NFIB: variants seen among roughly 807,000 people sequenced by gnomAD.
NFIB encodes the protein nuclear factor 1 B-type.
Under a neutral mutation model 61.5 loss-of-function variants are expected in NFIB, and 11 were observed. The ratio of observed to expected loss-of-function variants is 0.18; its 90% CI spans 0.11 to 0.30. The LOEUF is 0.30. Ranked by LOEUF, NFIB falls within the 10% of genes least tolerant of loss-of-function variation. NFIB has a pLI of 1.00. For missense variants in NFIB, 471 were observed against 608.9 expected (o/e 0.77, Z 2.38); for synonymous variants, 260 against 216.5 (o/e 1.20, Z -1.76).
intron 1 of NFIB, among the ~76,000 whole-genome samples, chr9:14,363,568 C>T (rs13294064): frequency 0.18 from 27,091 of 151,576 alleles, 2,812 homozygotes; most frequent in Middle Eastern, 0.25. Flanking sequence ...TTTCTGATTA[C>T]GAAAGCAATG....
At chr9:14,187,070 T>C (rs1439283633) in intron 2 of NFIB, among the ~76,000 whole-genome samples, 5 of 145,594 alleles carry the variant, frequency 3.4e-5, no homozygotes, top group Admixed American at 1.4e-4. Context: ...TGTGTGTGTG[T>C]GTGCCTGTGT....
chr9:14,439,063 G>A, the NFIB span, among the ~76,000 whole-genome samples: 1 of 152,162 alleles, frequency 6.6e-6, no homozygotes. Context: ...AATCCCTGTG[G>A]AGCTACTTTT....
intron 1 of NFIB, among the ~76,000 whole-genome samples, chr9:14,354,884 G>A (rs1481037041): frequency 2.0e-5 from 3 of 151,978 alleles, no homozygotes; most frequent in Non-Finnish European, 2.9e-5. Flanking sequence ...TGAAGGGAGT[G>A]TGTAGCCCTT....
chr9:14,250,720 A>C (rs1338321889), intron 2 of NFIB, among the ~76,000 whole-genome samples: 1 of 152,246 alleles, frequency 6.6e-6, no homozygotes, highest in Non-Finnish European at 1.5e-5. Flanking sequence ...ATTTTAAGTC[A>C]ACCTGTATAT....
intron 2 of NFIB, among the ~76,000 whole-genome samples, chr9:14,301,282 C>T (rs1384067913): frequency 6.6e-6 from 1 of 152,140 alleles, no homozygotes; most frequent in Non-Finnish European, 1.5e-5. Context: ...CCAATTACCA[C>T]GATTCTCGAA....
chr9:14,398,883 T>C, exon 1 of NFIB: 1 of 380,826 alleles, frequency 2.6e-6, no homozygotes, highest in Non-Finnish European at 4.7e-6. Flanking sequence ...ACAGTCTTGC[T>C]CCGACATGTG....
the NFIB span, among the ~76,000 whole-genome samples, chr9:14,530,962 C>A: frequency 7.9e-5 from 12 of 151,954 alleles, no homozygotes; most frequent in African/African-American, 2.9e-4. Context: ...GATGAATGAA[C>A]CCAATGACGA....
intron 2 of NFIB, among the ~76,000 whole-genome samples, chr9:14,192,785 C>T (rs1041357455): frequency 4.6e-5 from 7 of 152,110 alleles, no homozygotes; most frequent in Non-Finnish European, 7.3e-5. Flanking sequence ...CCTCACTGCC[C>T]ATTCAGCTTT....
chr9:14,424,089 C>G, the NFIB span, among the ~76,000 whole-genome samples: 4 of 152,124 alleles, frequency 2.6e-5, no homozygotes, highest in South Asian at 4.1e-4. Context: ...GTCTCTCCAA[C>G]TGTCTAACCC....
chr9:14,529,907 A>T, the NFIB span, among the ~76,000 whole-genome samples: 1 of 152,230 alleles, frequency 6.6e-6, no homozygotes, highest in Non-Finnish European at 1.5e-5. Flanking sequence ...ACGAACAATC[A>T]GCTTATGCAA....
chr9:14,507,687 G>T, the NFIB span, among the ~76,000 whole-genome samples: 4 of 152,162 alleles, frequency 2.6e-5, no homozygotes, highest in African/African-American at 9.7e-5. Flanking sequence ...AAATAGCAGC[G>T]CAAGGAACTG....
the NFIB span, among the ~76,000 whole-genome samples, chr9:14,474,342 T>C: frequency 6.6e-6 from 1 of 152,152 alleles, no homozygotes; most frequent in African/African-American, 2.4e-5. Context: ...GGGTCCCTTT[T>C]ATAAGGGCAT....
At chr9:14,267,896 G>A (rs1313282908) in intron 2 of NFIB, among the ~76,000 whole-genome samples, 1 of 152,146 alleles carries the variant, frequency 6.6e-6, no homozygotes, top group African/African-American at 2.4e-5. Flanking sequence ...ACTTTGGGAG[G>A]CCAAGGTGGG....
At chr9:14,153,274 T>G (rs1214135808) in intron 4 of NFIB, among the ~76,000 whole-genome samples, 1 of 152,036 alleles carries the variant, frequency 6.6e-6, no homozygotes, top group African/African-American at 2.4e-5. Flanking sequence ...GAAAGGAAAG[T>G]AGATTAACAA....
At chr9:14,385,748 A>G (rs1308336536) in intron 1 of NFIB, among the ~76,000 whole-genome samples, 3 of 150,992 alleles carry the variant, frequency 2.0e-5, no homozygotes, top group Non-Finnish European at 4.4e-5. Context: ...TATGGTTGTC[A>G]TCATTTCTAA....
chr9:14,393,007 T>A (rs750907366), intron 1 of NFIB, among the ~76,000 whole-genome samples: 1 of 152,226 alleles, frequency 6.6e-6, no homozygotes, highest in Non-Finnish European at 1.5e-5. Flanking sequence ...AATCTTATCA[T>A]TGTTATCTTT....
chr9:14,482,763 TAAACCTG>T, the NFIB span, among the ~76,000 whole-genome samples: 2 of 152,234 alleles, frequency 1.3e-5, no homozygotes, highest in African/African-American at 4.8e-5. Flanking sequence ...TGGGCAATGT[TAAACCTG>T]TATGCCACTT....
rs2032352465 is a variant in NFIB at position 14,083,477 on chromosome 9, A to AT, written c.*4831dup. 2 of 167,582 alleles carry AT rather than the reference A, an allele frequency of 1.2e-5. No homozygotes were observed. The highest frequency in any genetic ancestry group is 6.7e-5 in the African/African-American group (2 of 30,036). The allele number at this position is 167,582 out of a possible 1,614,324, so 10.4% of individuals were successfully genotyped here. On this transcript the variant is annotated 3_prime_UTR_variant, in exon 11 of 11. Transcript: ENST00000380953. ...ACTATTGAACTTGAATAGCCTGCAC[A>AT]TTAAAAAAAAAAAAAAAAAAAAAGT... is the stretch of plus-strand genomic sequence containing the variant.
At chr9:14,455,038 G>A in the NFIB span, among the ~76,000 whole-genome samples, 3 of 152,202 alleles carry the variant, frequency 2.0e-5, no homozygotes, top group Non-Finnish European at 4.4e-5. Flanking sequence ...AAGCCCCCAT[G>A]ATTGGGGGTT....
Sources: gnomAD v4.1 joint callset for allele counts (sites outside exome capture counted in the v4.1 genomes callset) on GRCh38, gnomAD v4.1.1 for gene constraint, MANE v1.5 for transcripts, NCBI Gene and HGNC (gene_info 2026-07-23, HGNC 2026-07-21) for gene names.